The following ANO10 variants were observed in gnomAD, a reference collection of about 807,000 sequenced individuals.
ANO10 encodes the protein anoctamin 10.
A neutral mutation model predicts 74.7 loss-of-function variants in ANO10; 77 were observed. That is an observed-to-expected ratio of 1.03 (90% CI 0.86 to 1.25). The LOEUF (loss-of-function observed/expected upper bound fraction) is 1.25, where lower values mean the gene tolerates loss of function less well. Among genes scored for constraint, ANO10 ranks in the 50% most tolerant of loss-of-function variants. ANO10 has a pLI of 0.00. For missense variants in ANO10, 721 were observed against 778.1 expected, an observed-to-expected ratio of 0.93 and a Z score of 0.87; for synonymous variants, 279 against 284.9, an observed-to-expected ratio of 0.98 and a Z score of 0.21.
chr3:43,567,113 T>C (rs372189839), intron 7 of ANO10, among the ~76,000 whole-genome samples: 51 of 151,472 alleles, frequency 3.4e-4, no homozygotes, highest in African/African-American at 8.7e-4. Flanking sequence ...TGAAATGAAG[T>C]GAGAAGGGAA....
chr3:43,660,883 G>C (rs1471953836), intron 1 of ANO10, among the ~76,000 whole-genome samples: 5 of 152,226 alleles, frequency 3.3e-5, no homozygotes, highest in African/African-American at 1.2e-4. Flanking sequence ...GAACCCAGGA[G>C]ACGGAGGTTG....
Position 43,600,501 on chromosome 3 carries a change from C to A in ANO10, c.220G>T (p.Ala74Ser). The A allele has an allele frequency of 6.2e-7, 1 of 1,613,686 alleles. No homozygotes were observed. Among genetic ancestry groups the A allele is most frequent in the South Asian group, 1.1e-5 (1 of 91,076 alleles). Residue 74 changes from alanine (A) to serine (S), a missense_variant, in exon 3 of 13, where the codon GCC (alanine) becomes TCC (serine). Transcript: ENST00000292246. ...CCTAGTAACATTCTAATCTTGGAGG[C>A]ACCAACAAGATATAAGTTCTGATTT... ...LENQNLYLVG[A>S]SKIRMLLGAE... is the part of the protein sequence containing the mutation.
At chr3:43,371,108 C>G (rs924668516) in intron 12 of ANO10, among the ~76,000 whole-genome samples, 7 of 152,162 alleles carry the variant, frequency 4.6e-5, no homozygotes, top group Admixed American at 4.6e-4. Context: ...CATTTGATTA[C>G]ATCTCCTGCT....
rs1018974806 is a variant in ANO10, at chr3:43,653,830, A to G, written c.-12+37687T>C. ...GACTCAGAAGAATCTGAGCCCCTCT[A>G]TCCCTTCGGACAGAAGTTGCTTGAA... On this transcript the variant is annotated intron_variant, in intron 1 of 3. Coordinates refer to the ANO10 transcript ENST00000413397. Among the ~76,000 whole-genome samples, 38 of 152,144 alleles carry G rather than the reference A, an allele frequency of 2.5e-4. 1 individual carries two copies. The highest frequency in any genetic ancestry group is 1.5e-5 in the Non-Finnish European group (1 of 68,034).
intron 11 of ANO10, among the ~76,000 whole-genome samples, chr3:43,435,100 C>T (rs540596433): frequency 8.5e-4 from 129 of 152,316 alleles, no homozygotes; most frequent in African/African-American, 2.8e-3. Flanking sequence ...TGCCCTGCCA[C>T]GCTCCTAAAC....
At chr3:43,533,043 A>G (rs1278620382) in intron 11 of ANO10, among the ~76,000 whole-genome samples, 1 of 152,210 alleles carries the variant, frequency 6.6e-6, no homozygotes. Context: ...GCTTCCAGGC[A>G]TGATAGAGCC....
In ANO10 at chr3:43,471,715, G is replaced by C. The variant is rs376891392; in HGVS notation, c.1798-38988C>G. 5.3e-5 allele frequency among the ~76,000 whole-genome samples: 8 copies of C among 152,316 alleles called. No homozygotes were observed. The South Asian group carries it at 1.4e-3, about 28-fold the overall frequency. Reference sequence around the variant, plus strand: ...TTGAGCCCAGGAGTTTGAGGCTGCAGTAAGCCATGATAGTGCCACTGCACT... The same window carrying C: ...TTGAGCCCAGGAGTTTGAGGCTGCACTAAGCCATGATAGTGCCACTGCACT... On this transcript the variant is annotated intron_variant, in intron 11 of 12. Transcript: ENST00000292246.
chr3:43,576,930 G>C lies in ANO10; in HGVS notation c.924C>G (p.Tyr308Ter), dbSNP rs376195257. The C allele has an allele frequency of 6.2e-7, 1 of 1,614,174 alleles. No individual in the cohort carries two copies. Among genetic ancestry groups the C allele is most frequent in the Non-Finnish European group, 8.5e-7 (1 of 1,180,030 alleles). ...TGKEEPLYPSYKRQLRIYLVS... is the reference protein window; with the variant it reads ...TGKEEPLYPS ...CCAGGTAAATGCGCAACTGTCTCTT[G>C]TAGCTGGGGTACAGAGGCTCCTCCT... is the stretch of plus-strand genomic sequence containing the variant. Residue 308 changes from tyrosine (Y) to a stop codon, truncating the protein, a stop_gained, in exon 6 of 13, where the codon TAC becomes TAG. Coordinates refer to ENST00000292246, the MANE Select transcript of ANO10 (RefSeq NM_018075.5). LOFTEE classifies it high-confidence loss of function.
intron 1 of ANO10, among the ~76,000 whole-genome samples, chr3:43,657,792 T>G (rs969628740): frequency 6.6e-6 from 1 of 152,176 alleles, no homozygotes; most frequent in Admixed American, 6.5e-5. Flanking sequence ...CCAGAGGAAC[T>G]TACTACAGAT....
rs1276096301 is a variant in ANO10, at chr3:43,549,743, T to C, written c.1774A>G (p.Ile592Val). The C allele has an allele frequency of 6.2e-7, 1 of 1,613,894 alleles. No individual in the cohort carries two copies. Among genetic ancestry groups the C allele is most frequent in the Admixed American group, 1.7e-5 (1 of 59,998 alleles). The change falls in exon 11 of 13, where the codon ATT becomes GTT. Residue 592 changes from isoleucine to valine, a missense_variant. By Grantham distance (29) the Ile-to-Val change is conservative. Coordinates refer to ENST00000292246, the MANE Select transcript of ANO10 (RefSeq NM_018075.5). ...ACCTCCACTGCTACTACAATCAAAATGAGGTCTGCTTTTGATTCTGGAAAG... is the reference window on the plus strand; with the variant it reads ...ACCTCCACTGCTACTACAATCAAAACGAGGTCTGCTTTTGATTCTGGAAAG... ...AVFPESKADLILIVVAVEHAL... is the reference protein window; with the variant it reads ...AVFPESKADLVLIVVAVEHAL...
chr3:43,673,848 G>T (rs2084089220), intron 1 of ANO10, among the ~76,000 whole-genome samples: 1 of 152,020 alleles, frequency 6.6e-6, no homozygotes, highest in Admixed American at 6.6e-5. Flanking sequence ...GTTCCTCTGG[G>T]CTCTTCCTTT....
At position 43,556,024 on chromosome 3, in the gene ANO10, G is replaced by A. The variant is rs1007542159; in HGVS notation, c.1477-555C>T. 2.5e-4 allele frequency among the ~76,000 whole-genome samples: 38 copies of A among 152,162 alleles called. 1 individual carries two copies. The highest frequency in any genetic ancestry group is 1.3e-4 in the Non-Finnish European group (9 of 68,034). On this transcript the variant is annotated intron_variant, in intron 9 of 12. Coordinates refer to ENST00000292246, the MANE Select transcript of ANO10 (RefSeq NM_018075.5). The stretch of plus-strand genomic sequence containing the variant: ...AAACCTCAGAACTGGCAGGTTACAT[G>A]CTCAACTTGGGATTCAAGGGCGAGC...
intron 1 of ANO10, among the ~76,000 whole-genome samples, chr3:43,645,487 CAA>C (rs780440860): frequency 2.5e-4 from 17 of 68,748 alleles, no homozygotes; most frequent in African/African-American, 4.4e-4. Context: ...GACTCCGTCT[CAA>C]AAAAAAAAAA....
intron 11 of ANO10, among the ~76,000 whole-genome samples, chr3:43,459,677 G>A (rs73831301): frequency 0.023 from 3,443 of 152,254 alleles, 132 homozygotes; most frequent in African/African-American, 0.078. Context: ...TGCCTGTCTG[G>A]AGCTTCTGCT....
chr3:43,530,693 A>G (rs2078425218), intron 11 of ANO10, among the ~76,000 whole-genome samples: 1 of 152,152 alleles, frequency 6.6e-6, no homozygotes, highest in Non-Finnish European at 1.5e-5. Flanking sequence ...TTATTAAAGT[A>G]TATTATAATG....
intron 11 of ANO10, among the ~76,000 whole-genome samples, chr3:43,465,842 G>A (rs984901660): frequency 6.6e-6 from 1 of 151,968 alleles, no homozygotes; most frequent in Non-Finnish European, 1.5e-5. Flanking sequence ...AATTAAAGAG[G>A]ACCTAAATAA....
At chr3:43,481,700 A>G (rs925940411) in intron 11 of ANO10, among the ~76,000 whole-genome samples, 4 of 152,146 alleles carry the variant, frequency 2.6e-5, no homozygotes, top group Non-Finnish European at 5.9e-5. Context: ...CAATCACTTA[A>G]TCTTAACCCA....
At chr3:43,446,186 TGG>T (rs2093243563) in intron 11 of ANO10, among the ~76,000 whole-genome samples, 2 of 152,226 alleles carry the variant, frequency 1.3e-5, no homozygotes, top group South Asian at 4.1e-4. Flanking sequence ...ACAGAGCATG[TGG>T]ATTCAGGAAG....
At chr3:43,583,577 T>C (rs760086001) in intron 4 of ANO10, among the ~76,000 whole-genome samples, 3 of 152,250 alleles carry the variant, frequency 2.0e-5, no homozygotes, top group Admixed American at 6.5e-5. Context: ...ATGTGTTTAC[T>C]TCAAAAGTAA....
Sources: gnomAD v4.1 joint callset for allele counts (sites outside exome capture counted in the v4.1 genomes callset) on GRCh38, gnomAD v4.1.1 for gene constraint, MANE v1.5 for transcripts, NCBI Gene and HGNC (gene_info 2026-07-23, HGNC 2026-07-21) for gene names.